PRKCB: variants seen among roughly 807,000 people sequenced by gnomAD.
PRKCB encodes protein kinase C beta, also known as protein kinase C beta type.
In PRKCB, 13 loss-of-function variants were observed where a neutral mutation model predicts 81.5. That is an observed-to-expected ratio of 0.16 (90% CI 0.10 to 0.25). The LOEUF (loss-of-function observed/expected upper bound fraction) is 0.25. PRKCB is among the 10% of genes least tolerant of loss of function. The pLI is 1.00. For missense variants in PRKCB, 509 were observed against 875.7 expected, an observed-to-expected ratio of 0.58 and a Z score of 5.29; for synonymous variants, 335 against 321.4, an observed-to-expected ratio of 1.04 and a Z score of -0.45.
intron 3 of PRKCB, among the ~76,000 whole-genome samples, chr16:24,009,222 G>A (rs62029623): frequency 0.33 from 50,185 of 151,980 alleles, 8,609 homozygotes; most frequent in African/African-American, 0.41. Context: ...CAGAGGTGAG[G>A]GTGCTGAATC....
At chr16:24,188,572 A>G (rs962201016) in intron 15 of PRKCB, among the ~76,000 whole-genome samples, 3 of 152,110 alleles carry the variant, frequency 2.0e-5, no homozygotes, top group African/African-American at 7.2e-5. Context: ...CCATTCCCTT[A>G]AAGGCCCGAT....
intron 10 of PRKCB, among the ~76,000 whole-genome samples, chr16:24,171,295 A>G (rs557102115): frequency 4.6e-5 from 7 of 152,326 alleles, no homozygotes; most frequent in East Asian, 1.9e-4. Context: ...GGCTGCTGGC[A>G]GGAGGCCTCA....
At chr16:24,107,783 T>C (rs1484357891) in intron 7 of PRKCB, among the ~76,000 whole-genome samples, 2 of 152,062 alleles carry the variant, frequency 1.3e-5, no homozygotes, top group African/African-American at 2.4e-5. Flanking sequence ...CACCCGGTCA[T>C]TGATGGTCTC....
intron 2 of PRKCB, among the ~76,000 whole-genome samples, chr16:23,977,178 G>T (rs1478429270): frequency 6.6e-6 from 1 of 152,160 alleles, no homozygotes; most frequent in Non-Finnish European, 1.5e-5. Context: ...GGGCAAATTA[G>T]AGGAAGGACC....
intron 2 of PRKCB, among the ~76,000 whole-genome samples, chr16:23,951,624 C>T (rs1266581950): frequency 6.9e-6 from 1 of 145,232 alleles, no homozygotes; most frequent in Admixed American, 6.9e-5. Context: ...TGCCATGTTG[C>T]CCAGGCTGGT....
intron 2 of PRKCB, among the ~76,000 whole-genome samples, chr16:23,852,405 T>G (rs1383266174): frequency 6.6e-6 from 1 of 152,214 alleles, no homozygotes; most frequent in Non-Finnish European, 1.5e-5. Context: ...TTTGTTAACA[T>G]GGGTATCACA....
At chr16:24,088,498 G>A (rs904374365) in intron 5 of PRKCB, among the ~76,000 whole-genome samples, 5 of 152,032 alleles carry the variant, frequency 3.3e-5, no homozygotes, top group South Asian at 2.1e-4. Context: ...AGGCCGAAGC[G>A]GGAGGATCAC....
At chr16:24,210,519 G>A (rs1242829932) in intron 16 of PRKCB, among the ~76,000 whole-genome samples, 4 of 146,296 alleles carry the variant, frequency 2.7e-5, no homozygotes, top group Admixed American at 2.7e-4. Flanking sequence ...TTTTTTTTGA[G>A]ACAGAGTCTC....
chr16:24,164,545 T>C (rs1967313104), intron 10 of PRKCB, among the ~76,000 whole-genome samples: 1 of 152,160 alleles, frequency 6.6e-6, no homozygotes, highest in Non-Finnish European at 1.5e-5. Flanking sequence ...AAGAGAAAGA[T>C]GGTGAGTTTG....
At chr16:24,077,462 C>T (rs1966193783) in intron 5 of PRKCB, among the ~76,000 whole-genome samples, 1 of 151,076 alleles carries the variant, frequency 6.6e-6, no homozygotes, top group Admixed American at 6.6e-5. Context: ...CTAATCCATC[C>T]ATCCATCCAC....
chr16:24,165,820 A>G (rs1967333816), intron 10 of PRKCB, among the ~76,000 whole-genome samples: 1 of 151,864 alleles, frequency 6.6e-6, no homozygotes, highest in Non-Finnish European at 1.5e-5. Context: ...TACTTTTAAA[A>G]TAAGTCAATT....
intron 3 of PRKCB, among the ~76,000 whole-genome samples, chr16:24,010,441 G>C (rs935941493): frequency 1.3e-5 from 2 of 152,228 alleles, no homozygotes; most frequent in East Asian, 3.9e-4. Flanking sequence ...TCGTAGGTGG[G>C]GACTGTCAGT....
chr16:24,064,456 A>C (rs9927429), intron 5 of PRKCB, among the ~76,000 whole-genome samples: 2,491 of 152,270 alleles, frequency 0.016, 70 homozygotes, highest in African/African-American at 0.056. Context: ...TGTTATTGAT[A>C]GTTTGTTTCC....
chr16:24,050,141 C>G (rs573858393), intron 5 of PRKCB, among the ~76,000 whole-genome samples: 7 of 152,330 alleles, frequency 4.6e-5, no homozygotes, highest in Non-Finnish European at 8.8e-5. Flanking sequence ...CAGCCTTCCA[C>G]TAATTCAAAG....
At position 24,185,333 on chromosome 16, in the gene PRKCB, G is replaced by C. The variant is rs1967686754; in HGVS notation, c.1615-127G>C. On this transcript the variant is annotated intron_variant, in intron 14 of 16. Coordinates refer to ENST00000643927, the MANE Select transcript of PRKCB (RefSeq NM_002738.7). ...CGGCCTTGGGGTCATACAAGTCTGTGGTCATTTGAAAGCCTGGGTGTGTGG... is the reference window on the plus strand; with the variant it reads ...CGGCCTTGGGGTCATACAAGTCTGTCGTCATTTGAAAGCCTGGGTGTGTGG... 5.0e-6 allele frequency: 6 copies of C among 1,193,422 alleles called. No individual in the cohort carries two copies. In the Admixed American group the frequency reaches 1.3e-4, roughly 25 times the overall value. 73.9% of individuals were successfully genotyped at this position (1,193,422 alleles called of 1,614,324 possible).
intron 2 of PRKCB, among the ~76,000 whole-genome samples, chr16:23,897,504 C>G (rs1963398843): frequency 6.6e-6 from 1 of 152,140 alleles, no homozygotes. Flanking sequence ...TTAATGCACA[C>G]ATTATAGTGG....
rs946557899 is a variant in PRKCB, at chr16:24,216,350, G to T, written c.*1534G>T. On this transcript the variant is annotated 3_prime_UTR_variant, in exon 17 of 17. Transcript: ENST00000643927. ...AATATTCTTTCTAGCAAGCAGCTTT[G>T]TGAGCTCCCTGAAGCCCAAGGAAAC... 7.1e-6 allele frequency: 7 copies of T among 985,314 alleles called. No individual in the cohort carries two copies. In the African/African-American group the frequency reaches 1.2e-4, roughly 17 times the overall value. The allele number at this position is 985,314 out of a possible 1,614,324, so 61.0% of individuals were successfully genotyped here.
At chr16:24,161,265 CTTATA>C (rs944367137) in intron 10 of PRKCB, among the ~76,000 whole-genome samples, 33 of 152,058 alleles carry the variant, frequency 2.2e-4, no homozygotes, top group Admixed American at 9.8e-4. Context: ...CAGAAATAAT[CTTATA>C]TTGGAATAAA....
At chr16:24,121,592 G>A (rs1966798844) in intron 8 of PRKCB, among the ~76,000 whole-genome samples, 1 of 152,070 alleles carries the variant, frequency 6.6e-6, no homozygotes, top group African/African-American at 2.4e-5. Flanking sequence ...GCCCAGGCTG[G>A]TCTTGAACTC....
Sources: gnomAD v4.1 joint callset for allele counts (sites outside exome capture counted in the v4.1 genomes callset) on GRCh38, gnomAD v4.1.1 for gene constraint, MANE v1.5 for transcripts, NCBI Gene and HGNC (gene_info 2026-07-23, HGNC 2026-07-21) for gene names.